NTSR1: variants seen among roughly 807,000 people sequenced by gnomAD.
NTSR1 encodes neurotensin receptor type 1.
In NTSR1, 29 loss-of-function variants were observed where a neutral mutation model predicts 31.2. That is an observed-to-expected ratio of 0.93 (90% confidence interval 0.69 to 1.27). The LOEUF is 1.27. Ranked by LOEUF, NTSR1 falls within the 50% of genes most tolerant of loss-of-function variation. The probability of loss-of-function intolerance (pLI) is 0.00; values close to 1 mark genes in which losing one functional copy is unlikely to be tolerated. For synonymous variants in NTSR1, 282 were observed against 269.9 expected (o/e 1.04, Z -0.44); for missense variants, 697 against 595.4 (o/e 1.17, Z -1.78).
At chr20:62,731,867 C>G (rs1989006529) in intron 1 of NTSR1, among the ~76,000 whole-genome samples, 1 of 152,190 alleles carries the variant, frequency 6.6e-6, no homozygotes. Context: ...GCCTGTAATC[C>G]CAGCACTTTG....
In NTSR1 at chr20:62,762,330, G is replaced by A. The variant is rs547338780; in HGVS notation, c.*2063G>A. Reference sequence around the variant, plus strand: ...GAGACTGTCCTGGAGGATCCACCCCGGAACAGACAGAATGGTGTCTCTCAG... The same window carrying A: ...GAGACTGTCCTGGAGGATCCACCCCAGAACAGACAGAATGGTGTCTCTCAG... On this transcript the variant is annotated 3_prime_UTR_variant, in exon 4 of 4. Transcript: ENST00000370501. The A allele has an allele frequency of 1.3e-5, 2 of 152,306 alleles. No individual in the cohort carries two copies. The highest frequency in any genetic ancestry group is 2.1e-4 in the South Asian group (1 of 4,818). 9.4% of individuals were successfully genotyped at this position (152,306 alleles called of 1,614,324 possible). A position where few individuals can be genotyped will look rare whatever the true frequency, so the allele number is the denominator to read the frequency against.
chr20:62,745,539 AAC>A lies in NTSR1; in HGVS notation c.715-9140_715-9139del, dbSNP rs1274745781. On this transcript the variant is annotated intron_variant, in intron 1 of 3. Transcript: ENST00000370501. The surrounding 1 kb of genome is among the most constrained non-coding windows in gnomAD (Gnocchi z 4.1). ...AGTGAAAGACAGAGACACAGAGGAA[AAC>A]ACACAGATATACAGAGAGAGACACA... Among the ~76,000 whole-genome samples, 2 of 152,102 alleles carry A rather than the reference AAC, an allele frequency of 1.3e-5. No individual in the cohort carries two copies. Among genetic ancestry groups the A allele is most frequent in the African/African-American group, 4.8e-5 (2 of 41,402 alleles).
chr20:62,709,514 T>C lies in NTSR1; in HGVS notation c.307T>C (p.Tyr103His). The C allele has an allele frequency of 6.2e-7, 1 of 1,612,482 alleles. No homozygotes were observed. Among genetic ancestry groups the C allele is most frequent in the Non-Finnish European group, 8.5e-7 (1 of 1,179,848 alleles). ...SLQSLQSTVH[Y>H]HLGSLALSDL... ...GCAGAGCCTGCAGAGCACGGTGCAT[T>C]ACCACCTGGGCAGCCTGGCGCTGTC... The change falls in exon 1 of 4, where the codon TAC (tyrosine) becomes CAC (histidine). Residue 103 changes from tyrosine to histidine, a missense_variant. Coordinates refer to ENST00000370501, the MANE Select transcript of NTSR1 (RefSeq NM_002531.3).
At chr20:62,717,257 C>A (rs111449758) in intron 1 of NTSR1, among the ~76,000 whole-genome samples, 14 of 152,354 alleles carry the variant, frequency 9.2e-5, no homozygotes, top group African/African-American at 3.4e-4. Context: ...CCGAAGCCAC[C>A]CGTGCCTACT....
At chr20:62,720,042 G>A (rs1031077894) in intron 1 of NTSR1, among the ~76,000 whole-genome samples, 1 of 152,204 alleles carries the variant, frequency 6.6e-6, no homozygotes, top group African/African-American at 2.4e-5. Flanking sequence ...GTTCAGGCCT[G>A]TAATCCCAGC....
At chr20:62,722,646 C>G (rs1334499526) in intron 1 of NTSR1, among the ~76,000 whole-genome samples, 2 of 152,210 alleles carry the variant, frequency 1.3e-5, no homozygotes, top group African/African-American at 4.8e-5. Flanking sequence ...CGGACCTCAG[C>G]TCTTACGTCT....
At chr20:62,721,511 TCCG>T (rs1988827401) in intron 1 of NTSR1, among the ~76,000 whole-genome samples, 1 of 152,260 alleles carries the variant, frequency 6.6e-6, no homozygotes, top group Non-Finnish European at 1.5e-5. Flanking sequence ...TCACTGTCTG[TCCG>T]TGGTGGTTCC....
chr20:62,715,939 G>A lies in NTSR1; in HGVS notation c.714+6018G>A, dbSNP rs148357603. 6.9e-4 allele frequency among the ~76,000 whole-genome samples: 105 copies of A among 152,316 alleles called. 1 individual carries two copies. Among genetic ancestry groups the A allele is most frequent in the Middle Eastern group, 3.4e-3 (1 of 294 alleles). ...CCGAGAGGACGTCCGACCTGTGCAC[G>A]AACCAGAGGCTGCCTTCGTTTTTCT... On this transcript the variant is annotated intron_variant, in intron 1 of 3. Transcript: ENST00000370501. The surrounding 1 kb of genome is among the most constrained non-coding windows in gnomAD (Gnocchi z 4.7).
At chr20:62,712,578 G>A (rs1231469993) in intron 1 of NTSR1, among the ~76,000 whole-genome samples, 1 of 152,242 alleles carries the variant, frequency 6.6e-6, no homozygotes, top group Non-Finnish European at 1.5e-5. Flanking sequence ...GGAGTGGGCA[G>A]GGCTCTCAGG....
chr20:62,756,214 T>C (rs1483415463), intron 2 of NTSR1, among the ~76,000 whole-genome samples: 2 of 152,092 alleles, frequency 1.3e-5, no homozygotes, highest in Admixed American at 6.5e-5. Context: ...TGACTACATC[T>C]GGCAGCTGGG....
intron 1 of NTSR1, among the ~76,000 whole-genome samples, chr20:62,750,355 A>T (rs1001868529): frequency 6.6e-6 from 1 of 152,174 alleles, no homozygotes; most frequent in Admixed American, 6.5e-5. Flanking sequence ...AGGCGAGTAC[A>T]TTCCGGAGCT....
At chr20:62,712,228 G>A (rs746133422) in intron 1 of NTSR1, among the ~76,000 whole-genome samples, 1 of 152,210 alleles carries the variant, frequency 6.6e-6, no homozygotes, top group African/African-American at 2.4e-5. Context: ...CCCCACGTGG[G>A]CTTCTGGGCC....
chr20:62,717,094 G>A (rs1048985103), intron 1 of NTSR1, among the ~76,000 whole-genome samples: 13 of 152,348 alleles, frequency 8.5e-5, no homozygotes, highest in South Asian at 2.1e-4. Flanking sequence ...GGGGCAAGGC[G>A]CCTGCCCCAC....
rs577785492 is a variant in NTSR1, at chr20:62,745,054, G to A, written c.715-9631G>A. On this transcript the variant is annotated intron_variant, in intron 1 of 3. Coordinates refer to ENST00000370501, the MANE Select transcript of NTSR1 (RefSeq NM_002531.3). The surrounding 1 kb of genome is among the most constrained non-coding windows in gnomAD (Gnocchi z 4.1). ...TCTCCCACCATGACCTTCTGCTCTG[G>A]AACATCCACCCCTAAAACCTCAGAC... Among the ~76,000 whole-genome samples the A allele has an allele frequency of 2.0e-4, 30 of 152,242 alleles. No homozygotes were observed. Among genetic ancestry groups the A allele is most frequent in the African/African-American group, 7.2e-4 (30 of 41,536 alleles).
At chr20:62,729,859 G>A (rs1205907742) in intron 1 of NTSR1, among the ~76,000 whole-genome samples, 1 of 152,118 alleles carries the variant, frequency 6.6e-6, no homozygotes, top group African/African-American at 2.4e-5. Flanking sequence ...CTGACCTCAA[G>A]TGATCTGCCT....
Position 62,760,333 on chromosome 20 carries a change from C to A in NTSR1, c.*66C>A. 5.9e-6 allele frequency: 9 copies of A among 1,528,474 alleles called. No individual in the cohort carries two copies. Among genetic ancestry groups the A allele is most frequent in the Non-Finnish European group, 7.9e-6 (9 of 1,138,240 alleles). The allele number at this position is 1,528,474 out of a possible 1,614,324, so 94.7% of individuals were successfully genotyped here. On this transcript the variant is annotated 3_prime_UTR_variant, in exon 4 of 4. Coordinates refer to ENST00000370501, the MANE Select transcript of NTSR1 (RefSeq NM_002531.3). ...GGGTCCTTGCCCCCGACAGACAGAGCAGCCCCCACCCGGGAGCCTTGATGG... is the reference window on the plus strand; with the variant it reads ...GGGTCCTTGCCCCCGACAGACAGAGAAGCCCCCACCCGGGAGCCTTGATGG...
At chr20:62,750,671 ACAGAGCGAGACTCCGTCT>A (rs1989377760) in intron 1 of NTSR1, among the ~76,000 whole-genome samples, 1 of 146,616 alleles carries the variant, frequency 6.8e-6, no homozygotes, top group Non-Finnish European at 1.5e-5. Flanking sequence ...AGCCTGGGCG[ACAGAGCGAGACTCCGTCT>A]CAAAAAAAAA....
intron 1 of NTSR1, among the ~76,000 whole-genome samples, chr20:62,713,683 T>C (rs1393861699): frequency 6.6e-6 from 1 of 152,138 alleles, no homozygotes; most frequent in African/African-American, 2.4e-5. Context: ...AAGCAGACAG[T>C]GAATCAAGGG....
intron 1 of NTSR1, among the ~76,000 whole-genome samples, chr20:62,738,844 C>T (rs3787531): frequency 0.13 from 20,437 of 152,204 alleles, 3,319 homozygotes; most frequent in African/African-American, 0.36. Flanking sequence ...ACCAGCCCAT[C>T]CCCTTCCATC....
Sources: gnomAD v4.1 joint callset for allele counts (sites outside exome capture counted in the v4.1 genomes callset) on GRCh38, gnomAD v4.1.1 for gene constraint, Gnocchi (gnomAD v3.1) non-coding constraint, MANE v1.5 for transcripts, NCBI Gene and HGNC (gene_info 2026-07-23, HGNC 2026-07-21) for gene names.